Variants in DPP10 observed in about 807,000 individuals in gnomAD.
DPP10 encodes the protein inactive dipeptidyl peptidase 10.
In DPP10, 33 loss-of-function variants were observed where a neutral mutation model predicts 120.9. The ratio of observed to expected loss-of-function variants is 0.27; its 90% CI spans 0.21 to 0.37. The LOEUF (loss-of-function observed/expected upper bound fraction) is 0.37. DPP10 is among the 10% of genes least tolerant of loss of function. The pLI, the probability that DPP10 is intolerant of heterozygous loss-of-function variation, is 1.00. For missense variants in DPP10, 816 were observed against 942.8 expected (o/e 0.87, Z 1.76); for synonymous variants, 337 against 326.1 (o/e 1.03, Z -0.36).
intron 12 of DPP10, among the ~76,000 whole-genome samples, chr2:115,765,342 A>C (rs1354313960): frequency 6.6e-6 from 1 of 152,082 alleles, no homozygotes; most frequent in Non-Finnish European, 1.5e-5. Context: ...GTGGGGGTAA[A>C]TCTGGTGGAT....
Position 114,717,581 on chromosome 2 carries a change from A to G in DPP10, c.60+274743A>G, listed in dbSNP as rs532493354. Among the ~76,000 whole-genome samples the G allele has an allele frequency of 7.2e-5, 11 of 152,350 alleles. No homozygotes were observed. The South Asian group carries it at 2.1e-3, about 29-fold the overall frequency. Reference sequence around the variant, plus strand: ...TTGGCTCCGTAAACCTTTAAAAATAATGTATAAGGTTTGCTAGATTATATT... The same window carrying G: ...TTGGCTCCGTAAACCTTTAAAAATAGTGTATAAGGTTTGCTAGATTATATT... On this transcript the variant is annotated intron_variant, in intron 1 of 25. Coordinates refer to ENST00000410059, the MANE Select transcript of DPP10 (RefSeq NM_020868.6).
intron 1 of DPP10, among the ~76,000 whole-genome samples, chr2:115,221,420 T>G (rs909077529): frequency 6.6e-6 from 1 of 152,202 alleles, no homozygotes; most frequent in African/African-American, 2.4e-5. Flanking sequence ...CCATGGCTCA[T>G]GCGGAACAGC....
chr2:114,451,155 T>C (rs1302436064), intron 1 of DPP10, among the ~76,000 whole-genome samples: 1 of 152,078 alleles, frequency 6.6e-6, no homozygotes, highest in Non-Finnish European at 1.5e-5. Flanking sequence ...CAGGCATTTT[T>C]GATCAAGGAT....
At chr2:115,823,264 T>A (rs1472878837) in intron 21 of DPP10, among the ~76,000 whole-genome samples, 1 of 152,158 alleles carries the variant, frequency 6.6e-6, no homozygotes, top group Non-Finnish European at 1.5e-5. Flanking sequence ...TTGTGTATGC[T>A]GAATTGGGAC....
intron 13 of DPP10, among the ~76,000 whole-genome samples, chr2:115,768,811 C>A (rs1424367510): frequency 6.6e-6 from 1 of 151,940 alleles, no homozygotes; most frequent in Non-Finnish European, 1.5e-5. Flanking sequence ...ACCTAAATGT[C>A]CATCAAAAAT....
intron 1 of DPP10, among the ~76,000 whole-genome samples, chr2:114,864,260 T>A (rs1690049797): frequency 6.6e-6 from 1 of 151,370 alleles, no homozygotes; most frequent in South Asian, 2.1e-4. Flanking sequence ...AAATTTGCAG[T>A]GAATACAAGG....
chr2:115,223,786 T>C (rs1056367710), intron 1 of DPP10, among the ~76,000 whole-genome samples: 1 of 152,076 alleles, frequency 6.6e-6, no homozygotes, highest in African/African-American at 2.4e-5. Context: ...AGAAAATGAT[T>C]AATAGCATGC....
In DPP10 at chr2:115,688,881, A is replaced by G. The variant is rs559288350; in HGVS notation, c.442-806A>G. 4.6e-5 allele frequency among the ~76,000 whole-genome samples: 7 copies of G among 152,286 alleles called. No homozygotes were observed. In the East Asian group the frequency reaches 1.4e-3, roughly 29 times the overall value. ...TAATATGTCATTTTCAACCATTACT[A>G]TGAAGGTGTGGAGAGTGTTATCTCA... On this transcript the variant is annotated intron_variant, in intron 5 of 25. Coordinates refer to ENST00000410059, the MANE Select transcript of DPP10 (RefSeq NM_020868.6).
intron 17 of DPP10, among the ~76,000 whole-genome samples, chr2:115,784,971 C>T (rs1683163840): frequency 6.6e-6 from 1 of 152,122 alleles, no homozygotes; most frequent in Non-Finnish European, 1.5e-5. Context: ...TTTGTAAGTA[C>T]ATTTTAATGG....
intron 5 of DPP10, among the ~76,000 whole-genome samples, chr2:115,608,846 ACATAGAATC>A (rs1172121341): frequency 6.6e-6 from 1 of 152,154 alleles, no homozygotes; most frequent in Non-Finnish European, 1.5e-5. Flanking sequence ...ATCAAAAGGA[ACATAGAATC>A]CATATAAATT....
Position 114,483,726 on chromosome 2 carries a change from T to G in DPP10, c.60+40888T>G, listed in dbSNP as rs1018253690. Among the ~76,000 whole-genome samples, 3 of 152,306 alleles carry G rather than the reference T, an allele frequency of 2.0e-5. No individual in the cohort carries two copies. The East Asian group carries it at 5.8e-4, about 29-fold the overall frequency. ...TGCCTGTGGAATGCAGTCCTTTTTCTGGGGCTTACAAACTGGAGGACCTCG... is the reference window on the plus strand; with the variant it reads ...TGCCTGTGGAATGCAGTCCTTTTTCGGGGGCTTACAAACTGGAGGACCTCG... On this transcript the variant is annotated intron_variant, in intron 1 of 25. Coordinates refer to ENST00000410059, the MANE Select transcript of DPP10 (RefSeq NM_020868.6).
At chr2:115,423,051 T>C (rs1218315958) in intron 3 of DPP10, among the ~76,000 whole-genome samples, 4 of 152,028 alleles carry the variant, frequency 2.6e-5, no homozygotes, top group South Asian at 2.1e-4. Context: ...AGTGGCAACA[T>C]TGAAAAAATA....
rs74829567 is a variant in DPP10, at chr2:115,308,553, C to A, written c.61-686C>A. On this transcript the variant is annotated intron_variant, in intron 1 of 25. Coordinates refer to ENST00000410059, the MANE Select transcript of DPP10 (RefSeq NM_020868.6). ...ATCATTGGAGGAATGAATAGCTTTA[C>A]CACATGCATCGTGAGAGATGTACAA... 6.7e-3 allele frequency among the ~76,000 whole-genome samples: 1,018 copies of A among 152,210 alleles called. 3 individuals are homozygous for A. Among genetic ancestry groups the A allele is most frequent in the Non-Finnish European group, 0.011 (778 of 67,980 alleles).
At chr2:114,869,069 G>T (rs1690469675) in intron 1 of DPP10, among the ~76,000 whole-genome samples, 1 of 152,080 alleles carries the variant, frequency 6.6e-6, no homozygotes. Context: ...GGATTAAAGG[G>T]TTGGTTTTAT....
At chr2:115,663,351 C>G (rs1420188327) in intron 5 of DPP10, among the ~76,000 whole-genome samples, 2 of 152,174 alleles carry the variant, frequency 1.3e-5, no homozygotes, top group Admixed American at 6.5e-5. Context: ...AATGTCACTA[C>G]TGTTCTTGTG....
chr2:115,651,845 T>G (rs1217613420), intron 5 of DPP10, among the ~76,000 whole-genome samples: 1 of 152,104 alleles, frequency 6.6e-6, no homozygotes, highest in African/African-American at 2.4e-5. Context: ...TTACCAACAG[T>G]GACATGCTTA....
intron 1 of DPP10, among the ~76,000 whole-genome samples, chr2:114,793,297 A>T (rs1683409282): frequency 6.6e-6 from 1 of 151,822 alleles, no homozygotes; most frequent in African/African-American, 2.4e-5. Context: ...TCCCTCCTCT[A>T]GTCCCCCACC....
chr2:115,588,455 T>C (rs1359942218), intron 5 of DPP10, among the ~76,000 whole-genome samples: 2 of 152,058 alleles, frequency 1.3e-5, no homozygotes, highest in African/African-American at 4.8e-5. Flanking sequence ...TATGATGGAG[T>C]TGGCTTACCC....
chr2:114,532,893 G>A (rs1686156961), intron 1 of DPP10, among the ~76,000 whole-genome samples: 2 of 152,166 alleles, frequency 1.3e-5, no homozygotes, highest in Non-Finnish European at 2.9e-5. Context: ...GCAGGGATAT[G>A]ATCAGGGGTA....
Sources: gnomAD v4.1 joint callset for allele counts (sites outside exome capture counted in the v4.1 genomes callset) on GRCh38, gnomAD v4.1.1 for gene constraint, MANE v1.5 for transcripts, NCBI Gene and HGNC (gene_info 2026-07-23, HGNC 2026-07-21) for gene names.